The following SLC25A26 variants were observed in gnomAD, a reference collection of about 807,000 sequenced individuals.
The protein encoded by SLC25A26 is mitochondrial S-adenosylmethionine carrier protein.
In SLC25A26, 36 loss-of-function variants were observed where a neutral mutation model predicts 37.8. That is an observed-to-expected ratio of 0.95 (90% CI 0.73 to 1.26). The LOEUF (loss-of-function observed/expected upper bound fraction) is 1.26, where lower values mean the gene tolerates loss of function less well. SLC25A26 is among the 50% of genes most tolerant of loss of function. The pLI is 0.00. For synonymous variants in SLC25A26, 129 were observed against 122.5 expected, an observed-to-expected ratio of 1.05 and a Z score of -0.35; for missense variants, 390 against 331.1, an observed-to-expected ratio of 1.18 and a Z score of -1.38.
chr3:66,229,981 C>T (rs1365021267), intron 1 of SLC25A26, among the ~76,000 whole-genome samples: 2 of 152,124 alleles, frequency 1.3e-5, no homozygotes, highest in African/African-American at 4.8e-5. Flanking sequence ...AGGAATGCTG[C>T]GAAGAATAGC....
chr3:66,366,376 A>C (rs1210127754), intron 7 of SLC25A26, among the ~76,000 whole-genome samples: 2 of 152,230 alleles, frequency 1.3e-5, no homozygotes, highest in African/African-American at 4.8e-5. Context: ...CTATTCTATT[A>C]TCTTCACAAG....
chr3:66,240,566 T>C (rs570802558), intron 2 of SLC25A26, among the ~76,000 whole-genome samples: 65 of 151,988 alleles, frequency 4.3e-4, no homozygotes, highest in African/African-American at 1.5e-3. Context: ...TGTGGGCCAC[T>C]GTGCCTGGCC....
At chr3:66,191,112 ATG>A (rs1204959729) in intron 1 of SLC25A26, among the ~76,000 whole-genome samples, 2 of 152,208 alleles carry the variant, frequency 1.3e-5, no homozygotes, top group Non-Finnish European at 2.9e-5. Flanking sequence ...ACATATGAGT[ATG>A]TGTCATTCAT....
At chr3:66,245,675 G>A (rs1367425031) in intron 3 of SLC25A26, among the ~76,000 whole-genome samples, 4 of 152,168 alleles carry the variant, frequency 2.6e-5, no homozygotes, top group African/African-American at 9.7e-5. Context: ...TAGGAAGTTT[G>A]AACAAGAATC....
At chr3:66,364,405 C>T (rs2076780448) in intron 7 of SLC25A26, among the ~76,000 whole-genome samples, 1 of 152,158 alleles carries the variant, frequency 6.6e-6, no homozygotes, top group Non-Finnish European at 1.5e-5. Context: ...AGTGTGGCAG[C>T]ACAGCCGGTG....
At chr3:66,352,797 T>C (rs2076488783) in intron 6 of SLC25A26, among the ~76,000 whole-genome samples, 1 of 151,996 alleles carries the variant, frequency 6.6e-6, no homozygotes. Flanking sequence ...CATACCTCTC[T>C]CATGTCTCCT....
In SLC25A26 at chr3:66,170,791, G is replaced by GTTTTTTT. The variant is rs36147154; in HGVS notation, c.-354+36831_-354+36837dup. Among the ~76,000 whole-genome samples the GTTTTTTT allele has an allele frequency of 3.5e-3, 176 of 50,920 alleles. 10 individuals carry two copies. The highest frequency in any genetic ancestry group is 6.5e-3 in the East Asian group (8 of 1,238). The allele number at this position is 50,920 out of a possible 152,430, so 33.4% of individuals were successfully genotyped here. A position where few individuals can be genotyped will look rare whatever the true frequency, so the allele number is the denominator to read the frequency against. ...CAAACATTTAATAGATGTGATTATTGTTTTTTTTTTTTTTTTTTTTTTTTT... is the reference window on the plus strand; with the variant it reads ...CAAACATTTAATAGATGTGATTATTGTTTTTTTTTTTTTTTTTTTTTTTTTTTTTTTT... On this transcript the variant is annotated intron_variant, in intron 1 of 10. Coordinates refer to the SLC25A26 transcript ENST00000676754.
In SLC25A26 at chr3:66,369,059, AAAAC is replaced by A. The variant is rs556228664; in HGVS notation, c.569-415_569-412del. Among the ~76,000 whole-genome samples, 180 of 26,594 alleles carry A rather than the reference AAAAC, an allele frequency of 6.8e-3. 10 individuals are homozygous for A. The highest frequency in any genetic ancestry group is 0.022 in the African/African-American group (119 of 5,442). 17.4% of individuals were successfully genotyped at this position (26,594 alleles called of 152,430 possible). On this transcript the variant is annotated intron_variant, in intron 7 of 9. Transcript: ENST00000354883. ...AAAAAAAAAACAAAAACAAAAAAAA[AAAAC>A]AAAAGACAGTGGCCTATAGAAAGTC... is the stretch of plus-strand genomic sequence containing the variant.
intron 1 of SLC25A26, among the ~76,000 whole-genome samples, chr3:66,162,224 G>A (rs2106713857): frequency 6.6e-6 from 1 of 152,090 alleles, no homozygotes; most frequent in Non-Finnish European, 1.5e-5. Context: ...GAGTCACATG[G>A]GATTAGGGAC....
In SLC25A26 at chr3:66,198,860, C is replaced by T. The variant is rs1044375994; in HGVS notation, c.-353-21882C>T. ...CTCTCTTCTCACTCTGACCTTCACA[C>T]GCGTTTTGACCCTGACCCATTCCCT... On this transcript the variant is annotated intron_variant, in intron 1 of 10. Transcript: ENST00000676754. Among the ~76,000 whole-genome samples the T allele has an allele frequency of 8.1e-3, 1,227 of 152,010 alleles. 24 individuals are homozygous for T. The highest frequency in any genetic ancestry group is 0.028 in the African/African-American group (1,172 of 41,448).
chr3:66,367,569 C>G (rs916561419), intron 7 of SLC25A26, among the ~76,000 whole-genome samples: 1 of 152,108 alleles, frequency 6.6e-6, no homozygotes, highest in African/African-American at 2.4e-5. Flanking sequence ...GTAAGGGAAA[C>G]AAAACCAAAT....
chr3:66,157,854 C>A (rs1327491809), intron 1 of SLC25A26, among the ~76,000 whole-genome samples: 1 of 152,172 alleles, frequency 6.6e-6, no homozygotes, highest in Non-Finnish European at 1.5e-5. Flanking sequence ...AGTGGTGCAA[C>A]ATGTCTGATG....
intron 5 of SLC25A26, among the ~76,000 whole-genome samples, chr3:66,272,496 A>G (rs1309563658): frequency 6.6e-6 from 1 of 152,138 alleles, no homozygotes; most frequent in African/African-American, 2.4e-5. Context: ...AAGCAAGTGT[A>G]AGGAATCTGT....
At chr3:66,293,883 T>C (rs2074804063) in intron 5 of SLC25A26, among the ~76,000 whole-genome samples, 1 of 152,202 alleles carries the variant, frequency 6.6e-6, no homozygotes, top group African/African-American at 2.4e-5. Context: ...GAAGGATTAA[T>C]ATTCCTTTGG....
chr3:66,334,429 C>A (rs1234926747), intron 5 of SLC25A26, among the ~76,000 whole-genome samples: 1 of 152,150 alleles, frequency 6.6e-6, no homozygotes, highest in Non-Finnish European at 1.5e-5. Context: ...ACTCTTGTGC[C>A]TCAGCCTCCC....
In SLC25A26 at chr3:66,209,676, T is replaced by A. The variant is rs1255579943; in HGVS notation, c.-353-11066T>A. Among the ~76,000 whole-genome samples, 3 of 138,672 alleles carry A rather than the reference T, an allele frequency of 2.2e-5. No homozygotes were observed. The East Asian group carries it at 6.4e-4, about 29-fold the overall frequency. The allele number at this position is 138,672 out of a possible 152,430, so 91.0% of individuals were successfully genotyped here. On this transcript the variant is annotated intron_variant, in intron 1 of 10. Transcript: ENST00000676754. Reference sequence around the variant, plus strand: ...TAGATATATATAAATATATATATTTTATAGGTATATATAGGTATATATAAA... The same window carrying A: ...TAGATATATATAAATATATATATTTAATAGGTATATATAGGTATATATAAA...
chr3:66,328,432 TAGG>T (rs1015631439), intron 5 of SLC25A26, among the ~76,000 whole-genome samples: 2 of 152,294 alleles, frequency 1.3e-5, no homozygotes, highest in African/African-American at 4.8e-5. Context: ...TACTAATAAA[TAGG>T]AGATCAGCTG....
intron 1 of SLC25A26, among the ~76,000 whole-genome samples, chr3:66,194,833 C>T (rs1355882713): frequency 3.9e-5 from 6 of 152,182 alleles, no homozygotes; most frequent in African/African-American, 1.4e-4. Context: ...ACTCCCGACC[C>T]CAGGTGATCC....
At chr3:66,283,592 A>G (rs1462718993) in intron 5 of SLC25A26, among the ~76,000 whole-genome samples, 3 of 152,298 alleles carry the variant, frequency 2.0e-5, no homozygotes, top group East Asian at 3.9e-4. Flanking sequence ...TCTTTTCTGT[A>G]GTGGCTGTAC....
Sources: allele counts gnomAD v4.1 joint callset (sites outside exome capture counted in the v4.1 genomes callset), GRCh38; gene constraint gnomAD v4.1.1; transcripts MANE v1.5; gene names NCBI Gene and HGNC (gene_info 2026-07-23, HGNC 2026-07-21).